Variants in PDZD2 observed in about 807,000 individuals in gnomAD.
The protein encoded by PDZD2 is PDZ domain containing 2, also known as PDZ domain-containing protein 2.
PDZD2 carries 90 observed loss-of-function variants against 220.7 expected under a neutral mutation model. The observed-to-expected ratio is 0.41, with a 90% CI of 0.34 to 0.49. The LOEUF is 0.49. Among genes scored for constraint, PDZD2 ranks in the 20% least tolerant of loss-of-function variants. The pLI, the probability that PDZD2 is intolerant of heterozygous loss-of-function variation, is 0.28. For missense variants in PDZD2, 3,174 were observed against 3,608.5 expected (o/e 0.88, Z 3.08); for synonymous variants, 1,375 against 1,450.5 (o/e 0.95, Z 1.18).
chr5:31,844,835 G>A (rs1434367334), intron 2 of PDZD2, among the ~76,000 whole-genome samples: 2 of 152,156 alleles, frequency 1.3e-5, no homozygotes, highest in Non-Finnish European at 2.9e-5. Context: ...TGTGGGCCCC[G>A]CCTAGAGGTG....
chr5:31,970,628 C>T (rs951015861), intron 2 of PDZD2, among the ~76,000 whole-genome samples: 2 of 151,672 alleles, frequency 1.3e-5, no homozygotes, highest in South Asian at 4.2e-4. Context: ...TGCACTCCAG[C>T]CTGGGTGACA....
At chr5:31,909,092 C>T in intron 2 of PDZD2, 1 of 174,738 alleles carries the variant, frequency 5.7e-6, no homozygotes, top group Admixed American at 6.1e-5. Flanking sequence ...ACCATGAATC[C>T]AGGTGGCATG....
At chr5:31,755,407 G>A (rs1273288557) in intron 1 of PDZD2, among the ~76,000 whole-genome samples, 4 of 152,166 alleles carry the variant, frequency 2.6e-5, no homozygotes, top group South Asian at 2.1e-4. Context: ...GGTGGGGGGC[G>A]GTGGCGCTTG....
chr5:31,902,686 C>A (rs1742210544), intron 2 of PDZD2, among the ~76,000 whole-genome samples: 2 of 150,880 alleles, frequency 1.3e-5, no homozygotes, highest in Admixed American at 1.3e-4. Flanking sequence ...ATGGTGAAAC[C>A]CCGTCTCTAC....
chr5:31,713,243 G>A (rs1250793308), intron 1 of PDZD2, among the ~76,000 whole-genome samples: 1 of 152,214 alleles, frequency 6.6e-6, no homozygotes, highest in Non-Finnish European at 1.5e-5. Context: ...TTGCAGGGCT[G>A]GCTTCCTTCT....
chr5:32,010,084 C>CAAAAA (rs57019948), intron 5 of PDZD2, among the ~76,000 whole-genome samples: 2 of 132,022 alleles, frequency 1.5e-5, no homozygotes, highest in Admixed American at 8.0e-5. Flanking sequence ...AAGACTGTCT[C>CAAAAA]AAAAAAAAGA....
At chr5:31,861,306 G>T (rs1278622821) in intron 2 of PDZD2, among the ~76,000 whole-genome samples, 2 of 152,028 alleles carry the variant, frequency 1.3e-5, no homozygotes, top group East Asian at 1.9e-4. Context: ...TTTGAGTCAG[G>T]GTTTGATATC....
intron 1 of PDZD2, among the ~76,000 whole-genome samples, chr5:31,758,088 G>T (rs376360258): frequency 6.6e-6 from 1 of 152,232 alleles, no homozygotes; most frequent in Admixed American, 6.5e-5. Flanking sequence ...CCTGACAGGC[G>T]CTGGCAGCTC....
intron 1 of PDZD2, among the ~76,000 whole-genome samples, chr5:31,728,733 G>A (rs1235111229): frequency 2.0e-5 from 3 of 152,218 alleles, no homozygotes; most frequent in African/African-American, 4.8e-5. Flanking sequence ...GGATTGAAAT[G>A]ATGTATGCAA....
chr5:32,091,172 TTAAG>T lies in PDZD2; in HGVS notation c.7727+4_7727+7del, dbSNP rs1332297458. On this transcript the variant is annotated splice_donor_variant and coding_sequence_variant, in exon 20 of 25. Transcript: ENST00000438447. LOFTEE classifies it high-confidence loss of function. ...CTGCCTTTTAGAAGAAGCTGGTCAGTTAAGTAAGTATCTGCCCACTACTTTTATT... is the reference window on the plus strand; with the variant it reads ...CTGCCTTTTAGAAGAAGCTGGTCAGTTAAGTATCTGCCCACTACTTTTATT... 5.2e-6 allele frequency: 8 copies of T among 1,550,394 alleles called. No homozygotes were observed. The highest frequency in any genetic ancestry group is 7.0e-6 in the Non-Finnish European group (8 of 1,144,104).
At chr5:31,680,344 A>G (rs1746602961) in intron 1 of PDZD2, among the ~76,000 whole-genome samples, 2 of 152,182 alleles carry the variant, frequency 1.3e-5, no homozygotes, top group South Asian at 2.1e-4. Context: ...TTTGCTTGGT[A>G]GACATTGCAA....
At chr5:31,803,975 C>T (rs988062306) in intron 2 of PDZD2, among the ~76,000 whole-genome samples, 1 of 150,576 alleles carries the variant, frequency 6.6e-6, no homozygotes, top group Non-Finnish European at 1.5e-5. Context: ...GGAGGTCGAT[C>T]GAGGCTGCAG....
At chr5:31,702,428 G>T (rs1022253436) in intron 1 of PDZD2, among the ~76,000 whole-genome samples, 1 of 152,168 alleles carries the variant, frequency 6.6e-6, no homozygotes, top group Non-Finnish European at 1.5e-5. Flanking sequence ...CAACCAGTCC[G>T]ATTCTCCCTT....
At chr5:31,973,847 C>T (rs1042269520) in intron 2 of PDZD2, among the ~76,000 whole-genome samples, 15 of 152,096 alleles carry the variant, frequency 9.9e-5, no homozygotes, top group Non-Finnish European at 2.1e-4. Flanking sequence ...CATAGCAAGA[C>T]CCCATTTCTA....
intron 2 of PDZD2, among the ~76,000 whole-genome samples, chr5:31,982,116 T>C (rs995096892): frequency 6.6e-6 from 1 of 152,238 alleles, no homozygotes; most frequent in Non-Finnish European, 1.5e-5. Flanking sequence ...CAGCCTTTTG[T>C]CCTGGTCCTT....
intron 1 of PDZD2, among the ~76,000 whole-genome samples, chr5:31,719,718 A>T (rs1370866250): frequency 6.6e-6 from 1 of 152,222 alleles, no homozygotes; most frequent in African/African-American, 2.4e-5. Context: ...GAAGCTAATC[A>T]TTTACAGTCT....
intron 2 of PDZD2, among the ~76,000 whole-genome samples, chr5:31,926,526 G>GAAAAAAAAA (rs71300157): frequency 1.4e-4 from 12 of 83,936 alleles, no homozygotes; most frequent in Non-Finnish European, 1.9e-4. Flanking sequence ...AACTGCATCT[G>GAAAAAAAAA]AAAAAAAAAA....
chr5:31,668,099 G>C (rs1459965180), intron 1 of PDZD2, among the ~76,000 whole-genome samples: 1 of 152,106 alleles, frequency 6.6e-6, no homozygotes, highest in African/African-American at 2.4e-5. Context: ...CTGACTTTGT[G>C]ATCTGCCCAC....
chr5:31,890,640 G>C (rs557969722), intron 2 of PDZD2, among the ~76,000 whole-genome samples: 1 of 152,144 alleles, frequency 6.6e-6, no homozygotes, highest in Non-Finnish European at 1.5e-5. Flanking sequence ...CAAAGAGAAG[G>C]CTGGCTTAAC....
Sources: allele counts gnomAD v4.1 joint callset (sites outside exome capture counted in the v4.1 genomes callset), GRCh38; gene constraint gnomAD v4.1.1; transcripts MANE v1.5; gene names NCBI Gene and HGNC (gene_info 2026-07-23, HGNC 2026-07-21).